Variants in AXIN2 observed in about 807,000 individuals in gnomAD.
AXIN2 encodes the protein axin 2.
AXIN2 carries 21 observed loss-of-function variants against 74.7 expected under a neutral mutation model. The observed-to-expected ratio is 0.28, with a 90% CI of 0.20 to 0.40. AXIN2 has a LOEUF of 0.40. Ranked by LOEUF, AXIN2 falls within the 10% of genes least tolerant of loss-of-function variation. The probability of loss-of-function intolerance (pLI) is 1.00; values close to 1 mark genes in which losing one functional copy is unlikely to be tolerated. For missense variants in AXIN2, 1,144 were observed against 1,111.1 expected (o/e 1.03, Z -0.42); for synonymous variants, 532 against 454.9 (o/e 1.17, Z -2.16).
At position 65,537,709 on chromosome 17, in the gene AXIN2, G is replaced by A. The variant is rs371691797; in HGVS notation, c.1327C>T (p.Leu443=). 1.5e-4 allele frequency: 235 copies of A among 1,559,252 alleles called. No individual in the cohort carries two copies. The highest frequency in any genetic ancestry group is 1.9e-4 in the Non-Finnish European group (219 of 1,152,048). Residue 443 remains leucine, a synonymous_variant, in exon 6 of 11, where the codon CTG becomes TTG. Coordinates refer to ENST00000307078, the MANE Select transcript of AXIN2 (RefSeq NM_004655.4). ...EDPQTILDDH[L]SRVLKTPGCQ... ...CCAGGGGTCTTGAGGACCCTGGACA[G>A]GTGATCGTCCAGTATCGTCTGCGGG... is the stretch of plus-strand genomic sequence containing the variant.
rs374516706 is a variant in AXIN2, at chr17:65,530,848, A to G, written c.2406-746T>C. Among the ~76,000 whole-genome samples the G allele has an allele frequency of 1.9e-4, 29 of 152,324 alleles. No homozygotes were observed. The East Asian group carries it at 4.6e-3, about 24-fold the overall frequency. On this transcript the variant is annotated intron_variant, in intron 10 of 10. Transcript: ENST00000307078. ...CCCTTCTATTATGCCCGTTGATTAA[A>G]GGCTCCTTTCATCCCTCCCCAGCGT...
chr17:65,561,207 C>A (rs1257531016), intron 1 of AXIN2: 2 of 149,220 alleles, frequency 1.3e-5, no homozygotes, highest in Non-Finnish European at 3.0e-5. Flanking sequence ...ACTTCAAAGG[C>A]GCGAGCCGAG....
rs778153491 is a variant in AXIN2, at chr17:65,537,406, G to T, written c.1630C>A (p.Pro544Thr). The change falls in exon 6 of 11, where the codon CCT becomes ACT. Residue 544 changes from proline (P) to threonine (T), a missense_variant. Pro to Thr is a conservative substitution (Grantham distance 38, BLOSUM62 -1). Transcript: ENST00000307078. ...EATQRVHCFC[P>T]GGSEYYCYSK... ...TAGCAGTAATACTCGCTGCCCCCAGGGCAGAAGCAGTGCACCCGCTGCGTG... is the reference window on the plus strand; with the variant it reads ...TAGCAGTAATACTCGCTGCCCCCAGTGCAGAAGCAGTGCACCCGCTGCGTG... 6.2e-7 allele frequency: 1 copy of T among 1,613,944 alleles called. No individual in the cohort carries two copies. Among genetic ancestry groups the T allele is most frequent in the African/African-American group, 1.3e-5 (1 of 74,904 alleles).
At chr17:65,559,166 G>A (rs1025755641) in intron 1 of AXIN2, among the ~76,000 whole-genome samples, 5 of 152,068 alleles carry the variant, frequency 3.3e-5, no homozygotes, top group Admixed American at 1.3e-4. Flanking sequence ...CCAGCCGCTA[G>A]GCTGTGTGCA....
At chr17:65,538,050 C>CCACGCCCAGGCA (rs1200326889) in intron 5 of AXIN2, 153 bp downstream of exon 5, 2 of 1,436,232 alleles carry the variant, frequency 1.4e-6, no homozygotes, top group Non-Finnish European at 9.5e-7. Context: ...CGCACACAGC[C>CCACGCCCAGGCA]CACGCCCAGG....
intron 4 of AXIN2, among the ~76,000 whole-genome samples, chr17:65,540,261 G>A (rs980670285): frequency 2.0e-5 from 3 of 148,366 alleles, no homozygotes; most frequent in Non-Finnish European, 4.5e-5. Context: ...CCAAGGGGGG[G>A]CAGAGGTTCC....
At position 65,535,680 on chromosome 17, in the gene AXIN2, G is replaced by A. The variant is rs762001576; in HGVS notation, c.2183C>T (p.Ala728Val). The A allele has an allele frequency of 6.2e-7, 1 of 1,614,150 alleles. No homozygotes were observed. Among genetic ancestry groups the A allele is most frequent in the South Asian group, 1.1e-5 (1 of 91,072 alleles). The change falls in exon 9 of 11, where the codon GCC (alanine) becomes GTC (valine). Residue 728 changes from alanine to valine, a missense_variant. This residue lies in a region of AXIN2 where 1,053 missense variants were observed against 973.5 expected (regional missense o/e 1.08). Coordinates refer to ENST00000307078, the MANE Select transcript of AXIN2 (RefSeq NM_004655.4). The stretch of plus-strand genomic sequence containing the variant: ...GGGTGTGGCTCCCGTCTGAACAGTG[G>A]CCGAATGATTCCTGTCCCTCTGCTG... ...ASQQRDRNHS[A>V]TVQTGATPFS...
intron 3 of AXIN2, among the ~76,000 whole-genome samples, chr17:65,548,318 A>G (rs955661170): frequency 1.3e-5 from 2 of 152,238 alleles, no homozygotes; most frequent in Admixed American, 1.3e-4. Flanking sequence ...CACCTCATCA[A>G]CTTTCCCTCC....
At chr17:65,537,236 T>C (rs1199829008) in intron 6 of AXIN2, 88 bp downstream of exon 6, 27 of 1,590,362 alleles carry the variant, frequency 1.7e-5, no homozygotes, top group South Asian at 3.3e-5. Flanking sequence ...ACTAAATGCC[T>C]GTAATGCGGC....
At position 65,557,879 on chromosome 17, in the gene AXIN2, C is replaced by T. The variant is rs758769942; in HGVS notation, c.742G>A (p.Val248Ile). 1.2e-6 allele frequency: 2 copies of T among 1,614,096 alleles called. No homozygotes were observed. The highest frequency in any genetic ancestry group is 1.3e-5 in the African/African-American group (1 of 74,926). The change falls in exon 2 of 11, where the codon GTT becomes ATT. Residue 248 changes from valine to isoleucine, a missense_variant. Coordinates refer to ENST00000307078, the MANE Select transcript of AXIN2 (RefSeq NM_004655.4). Reference sequence around the variant, plus strand: ...CTCAGAGTTTTGCTGGACAAGCCAACCACGGTTGGCGAAAGTTTGCACTTG... The same window carrying T: ...CTCAGAGTTTTGCTGGACAAGCCAATCACGGTTGGCGAAAGTTTGCACTTG... ...DFKCKLSPTV[V>I]GLSSKTLRAT...
In AXIN2 at chr17:65,537,586, C is replaced by T. The variant is rs371446806; in HGVS notation, c.1450G>A (p.Gly484Ser). The change falls in exon 6 of 11, where the codon GGT (glycine) becomes AGT (serine). Residue 484 changes from glycine to serine, a missense_variant. By Grantham distance (56) the Gly-to-Ser change is moderately conservative (BLOSUM62 0). Around this residue, in one of 4 missense-constraint regions of AXIN2, gnomAD observed 1,053 missense variants for 973.5 expected, o/e 1.08. Coordinates refer to ENST00000307078, the MANE Select transcript of AXIN2 (RefSeq NM_004655.4). ...GCGGCCGCGGGAGGCAGCTTGCCACCGGGCGGGAGCAGGGAGTGGTACTGC... is the reference window on the plus strand; with the variant it reads ...GCGGCCGCGGGAGGCAGCTTGCCACTGGGCGGGAGCAGGGAGTGGTACTGC... ...HSQYHSLLPP[G>S]GKLPPAAASP... The T allele has an allele frequency of 8.7e-6, 14 of 1,606,776 alleles. No individual in the cohort carries two copies. The African/African-American group carries it at 1.3e-4, about 15-fold the overall frequency.
chr17:65,557,697 A>G, intron 2 of AXIN2, 109 bp downstream of exon 2: 1 of 1,185,408 alleles, frequency 8.4e-7, no homozygotes, highest in Non-Finnish European at 1.2e-6. Context: ...AGCAGTCCTA[A>G]CTCAACAGAC....
At chr17:65,559,355 T>C (rs976059891) in intron 1 of AXIN2, 1 of 134,986 alleles carries the variant, frequency 7.4e-6, no homozygotes, top group African/African-American at 2.8e-5. Flanking sequence ...CCGCCCAGCA[T>C]AGGCGGATTG....
At chr17:65,541,186 C>G (rs1056537383) in intron 4 of AXIN2, among the ~76,000 whole-genome samples, 3 of 152,140 alleles carry the variant, frequency 2.0e-5, no homozygotes. Context: ...CCGTAAACCT[C>G]TTCTTTTTAT....
chr17:65,552,143 G>A (rs536834097), intron 2 of AXIN2, among the ~76,000 whole-genome samples: 47 of 152,346 alleles, frequency 3.1e-4, no homozygotes, highest in African/African-American at 9.4e-4. Context: ...GCAGAGAGGA[G>A]TGGTGAGAGT....
At chr17:65,549,455 T>C in intron 3 of AXIN2, 65 bp downstream of exon 3, 1 of 1,602,346 alleles carries the variant, frequency 6.2e-7, no homozygotes, top group South Asian at 1.1e-5. Context: ...CAGACGATTC[T>C]GGCTAAGTGC....
intron 1 of AXIN2, chr17:65,559,617 A>C (rs527464619): frequency 1.3e-5 from 2 of 152,142 alleles, no homozygotes; most frequent in African/African-American, 2.4e-5. Flanking sequence ...CGAAACCTAC[A>C]AAACTGGATC....
chr17:65,538,042 C>G, intron 5 of AXIN2, 161 bp downstream of exon 5: 1 of 1,408,048 alleles, frequency 7.1e-7, no homozygotes, highest in South Asian at 1.2e-5. Flanking sequence ...TGCACATGCG[C>G]ACACAGCCCA....
chr17:65,535,859 AC>A, intron 8 of AXIN2, 138 bp from the exon 9 acceptor site: 1 of 792,532 alleles, frequency 1.3e-6, no homozygotes, highest in East Asian at 2.7e-5. Flanking sequence ...CCCAACCAAG[AC>A]CCTGGGTTAA....
Sources: allele counts gnomAD v4.1 joint callset (sites outside exome capture counted in the v4.1 genomes callset), GRCh38; gene constraint gnomAD v4.1.1; regional missense constraint gnomAD v4.1.1; transcripts MANE v1.5; gene names NCBI Gene and HGNC (gene_info 2026-07-23, HGNC 2026-07-21).